Variants in ZNF558 observed in about 807,000 individuals in gnomAD.
ZNF558 encodes zinc finger protein 558.
Under a neutral mutation model 37.6 loss-of-function variants are expected in ZNF558, and 23 were observed. The observed-to-expected ratio is 0.61, with a 90% CI of 0.44 to 0.87. The LOEUF (loss-of-function observed/expected upper bound fraction) is 0.87. Ranked by LOEUF, ZNF558 falls within the 40% of genes least tolerant of loss-of-function variation. The probability of loss-of-function intolerance (pLI) is 0.00; values close to 1 mark genes in which losing one functional copy is unlikely to be tolerated. For synonymous variants in ZNF558, 189 were observed against 174.4 expected (o/e 1.08, Z -0.66); for missense variants, 429 against 483.7 (o/e 0.89, Z 1.06).
intron 7 of ZNF558, among the ~76,000 whole-genome samples, chr19:8,815,797 AAG>A (rs145744383): frequency 8.6e-4 from 126 of 147,308 alleles, no homozygotes; most frequent in Admixed American, 8.8e-4. Flanking sequence ...CTCAAAGATA[AAG>A]AGAGAGAGAG....
intron 7 of ZNF558, among the ~76,000 whole-genome samples, chr19:8,820,260 C>G (rs2044049877): frequency 6.6e-6 from 1 of 152,112 alleles, no homozygotes; most frequent in Non-Finnish European, 1.5e-5. Context: ...GCCTTCCACT[C>G]CTAGTATATG....
intron 7 of ZNF558, among the ~76,000 whole-genome samples, chr19:8,819,840 C>A (rs1304859056): frequency 1.3e-5 from 2 of 152,106 alleles, no homozygotes; most frequent in African/African-American, 4.8e-5. Flanking sequence ...ACTTGAGAGG[C>A]TGAGGTATGA....
rs1038972853 is a variant in ZNF558, at chr19:8,824,346, T to A, written c.-330A>T. On this transcript the variant is annotated 5_prime_UTR_variant, in exon 4 of 10. Transcript: ENST00000601372. Reference sequence around the variant, plus strand: ...CCCCGGTACCCGTTGAGCCTTCAGATGATGCAGACCCAGCTGACAGCCTTC... The same window carrying A: ...CCCCGGTACCCGTTGAGCCTTCAGAAGATGCAGACCCAGCTGACAGCCTTC... 1 of 152,240 alleles carries A rather than the reference T, an allele frequency of 6.6e-6. No individual in the cohort carries two copies. The highest frequency in any genetic ancestry group is 6.5e-5 in the Admixed American group (1 of 15,286). The allele number at this position is 152,240 out of a possible 1,614,324, so 9.4% of individuals were successfully genotyped here.
intron 7 of ZNF558, among the ~76,000 whole-genome samples, chr19:8,819,368 A>G (rs2145233617): frequency 6.6e-6 from 1 of 152,120 alleles, no homozygotes; most frequent in Admixed American, 6.5e-5. Flanking sequence ...TTTAGTAGAG[A>G]TGGGGCTTCA....
At chr19:8,813,359 CTTTT>C (rs146501903) in intron 7 of ZNF558, 137 bp from the exon 8 acceptor site, 1 of 672,222 alleles carries the variant, frequency 1.5e-6, no homozygotes, top group Non-Finnish European at 2.5e-6. Flanking sequence ...TAATTCTTTT[CTTTT>C]TTTTATTTAT....
Position 8,811,326 on chromosome 19 carries a change from G to A in ZNF558, c.1164C>T (p.Asn388=), listed in dbSNP as rs146759022. The change falls in exon 10 of 10, where the codon AAC becomes AAT. Residue 388 remains asparagine (N), a synonymous_variant. Transcript: ENST00000601372. ...TTCTCTTGTGCACAGAAAGATAGGA[G>A]TTACTTGTGAAGGATTTCCCACAAT... The part of the protein sequence containing the change: ...CNHCGKSFTS[N]SYLSVHKRIH... 3.1e-6 allele frequency: 5 copies of A among 1,608,702 alleles called. No homozygotes were observed. Among genetic ancestry groups the A allele is most frequent in the Non-Finnish European group, 4.2e-6 (5 of 1,177,558 alleles).
At chr19:8,815,750 C>T (rs530755363) in intron 7 of ZNF558, among the ~76,000 whole-genome samples, 41 of 152,082 alleles carry the variant, frequency 2.7e-4, no homozygotes, top group African/African-American at 7.7e-4. Flanking sequence ...CACTCTGCTG[C>T]ACTCCGGCCT....
intron 6 of ZNF558, 31 bp from the exon 7 acceptor site, chr19:8,821,337 A>T: frequency 6.2e-7 from 1 of 1,614,198 alleles, no homozygotes; most frequent in Non-Finnish European, 8.5e-7. Context: ...CGGCTTAGCC[A>T]AGGACCACCC....
At chr19:8,817,215 C>T (rs1160270058) in intron 7 of ZNF558, among the ~76,000 whole-genome samples, 2 of 152,094 alleles carry the variant, frequency 1.3e-5, no homozygotes, top group Non-Finnish European at 2.9e-5. Context: ...TGGATTTTGG[C>T]AGAATGGATT....
chr19:8,821,559 G>C (rs997142878), intron 6 of ZNF558: 1 of 1,412,424 alleles, frequency 7.1e-7, no homozygotes, highest in Non-Finnish European at 9.2e-7. Flanking sequence ...CCATTCCCAG[G>C]TCCAGTGCAC....
chr19:8,816,476 C>A (rs2043943334), intron 7 of ZNF558, among the ~76,000 whole-genome samples: 1 of 152,072 alleles, frequency 6.6e-6, no homozygotes, highest in Non-Finnish European at 1.5e-5. Flanking sequence ...GTCAATTTCT[C>A]AATAGAAACC....
chr19:8,820,058 T>C lies in ZNF558; in HGVS notation c.247+1122A>G, dbSNP rs189999323. ...ACATGAAAAGATGCTCCATGTCATT[T>C]GTCATTAGAAAAATGCAAATCAAAA... On this transcript the variant is annotated intron_variant, in intron 7 of 9. Coordinates refer to ENST00000601372, the MANE Select transcript of ZNF558 (RefSeq NM_144693.3). Among the ~76,000 whole-genome samples, 14 of 152,334 alleles carry C rather than the reference T, an allele frequency of 9.2e-5. 1 individual carries two copies. Among genetic ancestry groups the C allele is most frequent in the South Asian group, 4.1e-4 (2 of 4,822 alleles).
At position 8,808,474 on chromosome 19, in the gene ZNF558, T is replaced by C. The variant is rs1038039780; in HGVS notation, c.*2807A>G. On this transcript the variant is annotated 3_prime_UTR_variant, in exon 10 of 10. Coordinates refer to ENST00000601372, the MANE Select transcript of ZNF558 (RefSeq NM_144693.3). ...ATATATAAAAATGACAAAATTACAG[T>C]GTTAATACATAAACATAATGGAAGA... 6.6e-6 allele frequency: 1 copy of C among 152,152 alleles called. No individual in the cohort carries two copies. Among genetic ancestry groups the C allele is most frequent in the African/African-American group, 2.4e-5 (1 of 41,428 alleles). 9.4% of individuals were successfully genotyped at this position (152,152 alleles called of 1,614,324 possible).
rs908775431 is a variant in ZNF558, at chr19:8,826,214, C to T, written c.-508-1106G>A. The stretch of plus-strand genomic sequence containing the variant: ...CCTTTCTGGTACCAGGGACTGGTTT[C>T]GTGGAAGACAATTTTTCCATGGAGC... On this transcript the variant is annotated intron_variant, in intron 2 of 9. Transcript: ENST00000601372. Among the ~76,000 whole-genome samples the T allele has an allele frequency of 9.9e-5, 15 of 152,008 alleles. 1 individual carries two copies. The highest frequency in any genetic ancestry group is 3.9e-4 in the Admixed American group (6 of 15,254).
Position 8,811,089 on chromosome 19 carries a change from A to T in ZNF558, c.*192T>A, listed in dbSNP as rs2043774368. ...GAGATCCTGCAGTGTAACTACAGAG[A>T]TAAGCTGTTCTTGAATTCCTGATCT... On this transcript the variant is annotated 3_prime_UTR_variant, in exon 10 of 10. Transcript: ENST00000601372. 5.3e-6 allele frequency: 3 copies of T among 568,054 alleles called. No homozygotes were observed. The highest frequency in any genetic ancestry group is 9.1e-6 in the Non-Finnish European group (3 of 328,006). The allele number at this position is 568,054 out of a possible 1,614,324, so 35.2% of individuals were successfully genotyped here.
chr19:8,834,152 A>G (rs890107738), upstream of ZNF558, among the ~76,000 whole-genome samples: 5 of 152,248 alleles, frequency 3.3e-5, no homozygotes, highest in African/African-American at 4.8e-5. Flanking sequence ...TTCAGAAAAA[A>G]ATAGTTAGAT....
chr19:8,814,942 C>T (rs1322279594), intron 7 of ZNF558, among the ~76,000 whole-genome samples: 2 of 152,192 alleles, frequency 1.3e-5, no homozygotes, highest in Admixed American at 6.5e-5. Context: ...TCACAACTAA[C>T]TTTAGAACTG....
chr19:8,835,001 C>T (rs990799722), upstream of ZNF558, among the ~76,000 whole-genome samples: 2 of 151,410 alleles, frequency 1.3e-5, no homozygotes, highest in African/African-American at 4.8e-5. Context: ...TATATAAAGG[C>T]TTGCGACTCA....
At chr19:8,830,332 T>C (rs995515626) in intron 2 of ZNF558, among the ~76,000 whole-genome samples, 14 of 152,270 alleles carry the variant, frequency 9.2e-5, no homozygotes, top group African/African-American at 3.1e-4. Flanking sequence ...GGTAGTTCTT[T>C]ATAGCAGTGT....
Sources: allele counts gnomAD v4.1 joint callset (sites outside exome capture counted in the v4.1 genomes callset), GRCh38; gene constraint gnomAD v4.1.1; transcripts MANE v1.5; gene names NCBI Gene and HGNC (gene_info 2026-07-23, HGNC 2026-07-21).